Variants in TMC7 observed in about 807,000 individuals in gnomAD.
TMC7 encodes transmembrane channel like 7.
TMC7 carries 54 observed loss-of-function variants against 82.9 expected under a neutral mutation model. That is an observed-to-expected ratio of 0.65 (90% CI 0.52 to 0.82). The LOEUF (loss-of-function observed/expected upper bound fraction) is 0.82. Ranked by LOEUF, TMC7 falls within the 40% of genes least tolerant of loss-of-function variation. The pLI, the probability that TMC7 is intolerant of heterozygous loss-of-function variation, is 0.00. For missense variants in TMC7, 820 were observed against 901.2 expected, an observed-to-expected ratio of 0.91 and a Z score of 1.15; for synonymous variants, 350 against 337.9, an observed-to-expected ratio of 1.04 and a Z score of -0.39.
chr16:19,054,622 C>T (rs776723934), intron 13 of TMC7, among the ~76,000 whole-genome samples: 47 of 150,106 alleles, frequency 3.1e-4, no homozygotes, highest in African/African-American at 1.1e-3. Flanking sequence ...GGCTGAGGCA[C>T]GAGAATCACT....
chr16:19,046,983 G>A, intron 11 of TMC7, 80 bp from the exon 12 acceptor site: 2 of 1,254,812 alleles, frequency 1.6e-6, no homozygotes, highest in Non-Finnish European at 2.2e-6. Flanking sequence ...AATATGCATG[G>A]AAATAGTCCT....
chr16:18,998,743 G>A (rs1200673141), intron 1 of TMC7, among the ~76,000 whole-genome samples: 1 of 109,262 alleles, frequency 9.2e-6, no homozygotes, highest in African/African-American at 3.3e-5. Context: ...GACAGAGTGA[G>A]ACTCTGTCTC....
At chr16:19,004,919 T>G (rs915454673) in intron 1 of TMC7, among the ~76,000 whole-genome samples, 17 of 151,722 alleles carry the variant, frequency 1.1e-4, no homozygotes, top group Admixed American at 6.6e-4. Context: ...ACCAAGCTGG[T>G]CTTGAATTCC....
At chr16:19,015,577 T>C (rs926097724) in intron 2 of TMC7, among the ~76,000 whole-genome samples, 2 of 152,020 alleles carry the variant, frequency 1.3e-5, no homozygotes, top group African/African-American at 2.4e-5. Flanking sequence ...CAAGTTTTTT[T>C]TTTTTTTTTT....
chr16:19,037,181 A>T (rs1960785788), intron 7 of TMC7, among the ~76,000 whole-genome samples: 1 of 151,860 alleles, frequency 6.6e-6, no homozygotes, highest in Admixed American at 6.6e-5. Flanking sequence ...CAGGGTCAGG[A>T]GATTGAGACC....
chr16:19,034,261 A>T (rs1960641715), intron 6 of TMC7, among the ~76,000 whole-genome samples: 1 of 152,186 alleles, frequency 6.6e-6, no homozygotes, highest in Non-Finnish European at 1.5e-5. Context: ...CAGTAAACAG[A>T]TGAATAAGAT....
At chr16:19,025,345 C>T (rs1017595111) in intron 5 of TMC7, among the ~76,000 whole-genome samples, 1 of 152,004 alleles carries the variant, frequency 6.6e-6, no homozygotes. Flanking sequence ...CGGCCGGGTG[C>T]GGTGGCTCAT....
chr16:19,046,636 A>G (rs2142287990), intron 11 of TMC7, among the ~76,000 whole-genome samples: 1 of 152,108 alleles, frequency 6.6e-6, no homozygotes, highest in East Asian at 1.9e-4. Context: ...GGAGGTTGAG[A>G]CCAGCCTGGG....
chr16:19,002,595 C>G (rs2142151462), intron 1 of TMC7, among the ~76,000 whole-genome samples: 1 of 152,288 alleles, frequency 6.6e-6, no homozygotes, highest in Non-Finnish European at 1.5e-5. Context: ...AGACTTTGTC[C>G]TTAACCTGGA....
At chr16:19,041,089 G>T (rs1960993491) in intron 9 of TMC7, among the ~76,000 whole-genome samples, 1 of 151,628 alleles carries the variant, frequency 6.6e-6, no homozygotes, top group African/African-American at 2.4e-5. Flanking sequence ...TAGAGACAGG[G>T]TTTTGTTATG....
Position 19,059,354 on chromosome 16 carries a change from A to T in TMC7, c.2028-62A>T, listed in dbSNP as rs184620275. ...GTTCCAAGGAAAAATATGTTGGGTT[A>T]TTTTTCTATTGGCCTTCAGATGATC... is the stretch of plus-strand genomic sequence containing the variant. On this transcript the variant is annotated intron_variant, in intron 14 of 15. Transcript: ENST00000304381. 5.7e-6 allele frequency: 9 copies of T among 1,579,214 alleles called. No homozygotes were observed. The South Asian group carries it at 9.2e-5, about 16-fold the overall frequency.
chr16:19,035,577 G>A, intron 6 of TMC7, 99 bp from the exon 7 acceptor site: 2 of 1,430,986 alleles, frequency 1.4e-6, no homozygotes, highest in Non-Finnish European at 2.0e-6. Context: ...GGCTGAAAAT[G>A]CAGCTATGTC....
chr16:19,014,625 T>C (rs565590176), intron 2 of TMC7, among the ~76,000 whole-genome samples: 106 of 152,208 alleles, frequency 7.0e-4, no homozygotes, highest in Non-Finnish European at 1.3e-3. Flanking sequence ...TCCCCTGCTC[T>C]CCTTACTCCC....
intron 15 of TMC7, 44 bp from the exon 16 acceptor site, chr16:19,061,734 T>A: frequency 6.5e-7 from 1 of 1,546,568 alleles, no homozygotes; most frequent in South Asian, 1.1e-5. Context: ...ATGGTATTTG[T>A]TTCCAAATAT....
Position 19,056,710 on chromosome 16 carries a change from C to T in TMC7, c.2027+13C>T. 1 of 1,611,658 alleles carries T rather than the reference C, an allele frequency of 6.2e-7. No homozygotes were observed. Among genetic ancestry groups the T allele is most frequent in the Non-Finnish European group, 8.5e-7 (1 of 1,178,424 alleles). On this transcript the variant is annotated intron_variant, in intron 14 of 15. Coordinates refer to ENST00000304381, the MANE Select transcript of TMC7 (RefSeq NM_024847.4). The stretch of plus-strand genomic sequence containing the variant: ...TCATGATTATTTGGTGAGTGAGAAC[C>T]ACCAGGACCCACTGAGGCACGTGGG...
chr16:19,029,653 G>C (rs969355291), intron 5 of TMC7, among the ~76,000 whole-genome samples: 3 of 151,628 alleles, frequency 2.0e-5, no homozygotes, highest in Non-Finnish European at 2.9e-5. Flanking sequence ...GGGATTACAG[G>C]TGTGAGCCAC....
chr16:19,004,297 T>C (rs1275374971), intron 1 of TMC7, among the ~76,000 whole-genome samples: 1 of 152,034 alleles, frequency 6.6e-6, no homozygotes. Context: ...AGGGGGTAGG[T>C]GGTGTATGAA....
chr16:19,054,392 A>C (rs1431579040), intron 13 of TMC7, among the ~76,000 whole-genome samples: 1 of 151,980 alleles, frequency 6.6e-6, no homozygotes, highest in Non-Finnish European at 1.5e-5. Context: ...ACCACATTAA[A>C]ATCTTCAGAT....
In TMC7 at chr16:19,051,811, A is replaced by G; in HGVS notation, c.1866A>G (p.Ile622Met). 1 of 1,614,006 alleles carries G rather than the reference A, an allele frequency of 6.2e-7. No homozygotes were observed. Among genetic ancestry groups the G allele is most frequent in the Non-Finnish European group, 8.5e-7 (1 of 1,180,014 alleles). Residue 622 changes from isoleucine to methionine, a missense_variant, in exon 13 of 16, where the codon ATA becomes ATG. Physicochemically the swap from Ile to Met is conservative, Grantham distance 10. Coordinates refer to ENST00000304381, the MANE Select transcript of TMC7 (RefSeq NM_024847.4). ...CLAIIPLTISISRIPSSKACG... is the reference protein window; with the variant it reads ...CLAIIPLTISMSRIPSSKACG... ...CAATAATACCTCTGACAATCAGCAT[A>G]TCACGGTAAATGTGACTTTGTTTTC...
Sources: gnomAD v4.1 joint callset for allele counts (sites outside exome capture counted in the v4.1 genomes callset) on GRCh38, gnomAD v4.1.1 for gene constraint, MANE v1.5 for transcripts, NCBI Gene and HGNC (gene_info 2026-07-23, HGNC 2026-07-21) for gene names.